CEP128: variants seen among roughly 807,000 people sequenced by gnomAD.
CEP128 encodes centrosomal protein 128.
A neutral mutation model predicts 156.7 loss-of-function variants in CEP128; 132 were observed. The ratio of observed to expected loss-of-function variants is 0.84; its 90% CI spans 0.73 to 0.97. The LOEUF (loss-of-function observed/expected upper bound fraction) is 0.97. CEP128 is among the 50% of genes least tolerant of loss of function. The probability of loss-of-function intolerance (pLI) is 0.00; values close to 1 mark genes in which losing one functional copy is unlikely to be tolerated. For synonymous variants in CEP128, 469 were observed against 448.9 expected (o/e 1.04, Z -0.57); for missense variants, 1,252 against 1,281.9 (o/e 0.98, Z 0.36).
chr14:80,721,129 T>C (rs1182829092), intron 19 of CEP128, among the ~76,000 whole-genome samples: 1 of 152,326 alleles, frequency 6.6e-6, no homozygotes, highest in African/African-American at 2.4e-5. Context: ...ATATTGGTAT[T>C]ATGGCTATAA....
intron 16 of CEP128, among the ~76,000 whole-genome samples, chr14:80,770,849 G>A (rs1456487817): frequency 6.6e-6 from 1 of 152,154 alleles, no homozygotes; most frequent in Non-Finnish European, 1.5e-5. Context: ...AATGCTAGAA[G>A]TCAACAGCTC....
intron 19 of CEP128, among the ~76,000 whole-genome samples, chr14:80,599,196 A>T (rs1364267602): frequency 6.6e-6 from 1 of 150,546 alleles, no homozygotes; most frequent in Non-Finnish European, 1.5e-5. Flanking sequence ...TTCCTCTTTG[A>T]GGTTAACACC....
At chr14:80,783,282 T>C (rs1441551345) in intron 15 of CEP128, among the ~76,000 whole-genome samples, 1 of 152,236 alleles carries the variant, frequency 6.6e-6, no homozygotes, top group Non-Finnish European at 1.5e-5. Flanking sequence ...AGTCATTACC[T>C]ACCTGTCCTT....
At chr14:80,743,587 G>C (rs1380227061) in intron 18 of CEP128, among the ~76,000 whole-genome samples, 1 of 152,004 alleles carries the variant, frequency 6.6e-6, no homozygotes, top group African/African-American at 2.4e-5. Flanking sequence ...TCTAGTATAG[G>C]AATTTAAAAA....
intron 15 of CEP128, among the ~76,000 whole-genome samples, chr14:80,781,105 T>G (rs1489135211): frequency 2.6e-5 from 4 of 152,206 alleles, no homozygotes; most frequent in Non-Finnish European, 5.9e-5. Context: ...AGATAGAGAA[T>G]GAGCAGTCAA....
At chr14:80,749,947 G>C (rs973302634) in intron 18 of CEP128, among the ~76,000 whole-genome samples, 5 of 152,096 alleles carry the variant, frequency 3.3e-5, no homozygotes, top group Non-Finnish European at 1.5e-5. Context: ...ATTTAAAAGA[G>C]ATAAATCTGA....
At chr14:80,906,328 T>C (rs1183511539) in intron 4 of CEP128, among the ~76,000 whole-genome samples, 29 of 152,316 alleles carry the variant, frequency 1.9e-4, no homozygotes, top group Non-Finnish European at 5.9e-5. Flanking sequence ...TATTGCCAGA[T>C]GTGGAAGAGA....
chr14:80,813,393 T>C (rs1156332763), intron 13 of CEP128, among the ~76,000 whole-genome samples: 1 of 152,150 alleles, frequency 6.6e-6, no homozygotes, highest in African/African-American at 2.4e-5. Context: ...TTTTTGTATA[T>C]TTGAAATTTG....
chr14:80,859,238 T>C (rs1405104259), intron 9 of CEP128, among the ~76,000 whole-genome samples: 9 of 150,560 alleles, frequency 6.0e-5, no homozygotes, highest in Non-Finnish European at 1.3e-4. Flanking sequence ...TGAGTTCATG[T>C]CCTTTGTAGG....
At chr14:80,785,641 C>T (rs559832591) in intron 14 of CEP128, 96 bp from the exon 15 acceptor site, 5 of 844,508 alleles carry the variant, frequency 5.9e-6, no homozygotes, top group South Asian at 2.5e-5. Flanking sequence ...GTTTAACCCA[C>T]AAGGAAAAAA....
At chr14:80,521,710 G>A (rs1184425206) in intron 23 of CEP128, among the ~76,000 whole-genome samples, 4 of 152,146 alleles carry the variant, frequency 2.6e-5, no homozygotes, top group Non-Finnish European at 5.9e-5. Flanking sequence ...ATTTTAGAAA[G>A]GCTGAAACTA....
intron 13 of CEP128, among the ~76,000 whole-genome samples, chr14:80,804,452 T>C (rs943338639): frequency 1.3e-5 from 2 of 152,290 alleles, no homozygotes; most frequent in South Asian, 2.1e-4. Flanking sequence ...AAGCCAATGA[T>C]AGAACGCCAC....
chr14:80,702,937 A>T lies in CEP128; in HGVS notation c.2806+40138T>A, dbSNP rs575745564. On this transcript the variant is annotated intron_variant, in intron 19 of 24. Transcript: ENST00000555265. ...ATAGTAGGGTTTTTAAAATCACATA[A>T]ATGGCACCAACTAAAAATGTATGCT... is the stretch of plus-strand genomic sequence containing the variant. 7.2e-5 allele frequency among the ~76,000 whole-genome samples: 11 copies of T among 152,296 alleles called. No homozygotes were observed. The South Asian group carries it at 2.3e-3, about 32-fold the overall frequency.
At chr14:80,930,290 C>T (rs749635268) in intron 2 of CEP128, among the ~76,000 whole-genome samples, 2 of 152,176 alleles carry the variant, frequency 1.3e-5, no homozygotes, top group African/African-American at 4.8e-5. Flanking sequence ...CTGCATCTGG[C>T]GGCAGGCTTT....
At chr14:80,577,585 A>G (rs1891413184) in intron 20 of CEP128, among the ~76,000 whole-genome samples, 1 of 152,126 alleles carries the variant, frequency 6.6e-6, no homozygotes, top group South Asian at 2.1e-4. Flanking sequence ...CTCTGCTGCC[A>G]CCCAATCCAG....
intron 21 of CEP128, among the ~76,000 whole-genome samples, chr14:80,531,500 A>T (rs1265705409): frequency 6.6e-6 from 1 of 152,224 alleles, no homozygotes; most frequent in Non-Finnish European, 1.5e-5. Flanking sequence ...ACCTGTGAAC[A>T]TTAAGTGAGA....
chr14:80,759,619 T>G (rs528038372), intron 17 of CEP128, among the ~76,000 whole-genome samples: 24 of 152,114 alleles, frequency 1.6e-4, no homozygotes, highest in Non-Finnish European at 2.8e-4. Flanking sequence ...TGTAGACTCT[T>G]AAAAAATTAA....
chr14:80,546,991 C>A (rs1482969288), intron 21 of CEP128, among the ~76,000 whole-genome samples: 1 of 152,164 alleles, frequency 6.6e-6, no homozygotes, highest in African/African-American at 2.4e-5. Flanking sequence ...TCTCTCCAGC[C>A]TTTCATCTGA....
chr14:80,590,538 T>C (rs1380263063), intron 19 of CEP128, among the ~76,000 whole-genome samples: 2 of 151,760 alleles, frequency 1.3e-5, no homozygotes, highest in African/African-American at 4.8e-5. Flanking sequence ...AGGCAAGACA[T>C]TCCTAGGAAG....
Sources: gnomAD v4.1 joint callset for allele counts (sites outside exome capture counted in the v4.1 genomes callset) on GRCh38, gnomAD v4.1.1 for gene constraint, MANE v1.5 for transcripts, NCBI Gene and HGNC (gene_info 2026-07-23, HGNC 2026-07-21) for gene names.